Variants in CDON observed in about 807,000 individuals in gnomAD.
CDON encodes the protein cell adhesion associated, oncogene regulated, also known as cell adhesion molecule-related/down-regulated by oncogenes.
A neutral mutation model predicts 120.9 loss-of-function variants in CDON; 73 were observed. That is an observed-to-expected ratio of 0.60 (90% CI 0.50 to 0.73). CDON has a LOEUF of 0.73. Ranked by LOEUF, CDON falls within the 30% of genes least tolerant of loss-of-function variation. The probability of loss-of-function intolerance (pLI) is 0.00; values close to 1 mark genes in which losing one functional copy is unlikely to be tolerated. For missense variants in CDON, 1,470 were observed against 1,587.3 expected, an observed-to-expected ratio of 0.93 and a Z score of 1.26; for synonymous variants, 566 against 573.5, an observed-to-expected ratio of 0.99 and a Z score of 0.19.
rs754733084 is a variant in CDON at position 126,010,521 on chromosome 11, G to A, written c.1372C>T (p.Arg458Ter). The change falls in exon 8 of 20, where the codon CGA becomes TGA. Residue 458 changes from arginine to a stop codon, truncating the protein, a stop_gained. Transcript: ENST00000531738. LOFTEE classifies it high-confidence loss of function. The stretch of plus-strand genomic sequence containing the variant: ...TCAGGTCTTGATAACTGTGATTTTC[G>A]GGATTTCGATCTCAGGACTTGAGAT... ...HPSQVLRSKS[R>*]KSQLSRPEGL... 3.7e-6 allele frequency: 6 copies of A among 1,614,060 alleles called. No homozygotes were observed. Among genetic ancestry groups the A allele is most frequent in the Non-Finnish European group, 5.1e-6 (6 of 1,179,984 alleles).
rs1405020218 is a variant in CDON, at chr11:125,958,159, C to T, written c.*2783G>A. 6.6e-6 allele frequency: 1 copy of T among 152,146 alleles called. No homozygotes were observed. The allele number at this position is 152,146 out of a possible 1,614,324, so 9.4% of individuals were successfully genotyped here. The stretch of plus-strand genomic sequence containing the variant: ...GAGGAATTCCACGGCAGGGATAGAT[C>T]ACAGCATACGGAACGGGACTGGTTC... On this transcript the variant is annotated 3_prime_UTR_variant, in exon 20 of 20. Coordinates refer to ENST00000531738, the MANE Select transcript of CDON (RefSeq NM_001378964.1).
intron 1 of CDON, among the ~76,000 whole-genome samples, chr11:126,057,064 TA>T (rs1245483807): frequency 6.6e-6 from 1 of 152,120 alleles, no homozygotes; most frequent in Non-Finnish European, 1.5e-5. Context: ...AACACACACA[TA>T]AAAATGAATA....
intron 5 of CDON, 142 bp downstream of exon 5, chr11:126,018,188 C>A (rs944759905): frequency 1.5e-5 from 13 of 860,124 alleles, no homozygotes; most frequent in Non-Finnish European, 2.4e-5. Context: ...GGGTGACCCA[C>A]CACACCTAGC....
At chr11:126,000,834 G>C (rs1222199732) in intron 11 of CDON, among the ~76,000 whole-genome samples, 1 of 152,126 alleles carries the variant, frequency 6.6e-6, no homozygotes, top group Non-Finnish European at 1.5e-5. Flanking sequence ...AGAGAAGTCT[G>C]AAAATTCTCA....
chr11:125,993,011 C>T (rs924304446), intron 14 of CDON, among the ~76,000 whole-genome samples: 8 of 152,156 alleles, frequency 5.3e-5, no homozygotes, highest in Non-Finnish European at 1.2e-4. Flanking sequence ...AGGGAGTTTA[C>T]GACTTTGTGG....
chr11:126,062,168 A>G (rs1948813520), intron 1 of CDON, among the ~76,000 whole-genome samples: 1 of 152,194 alleles, frequency 6.6e-6, no homozygotes, highest in Non-Finnish European at 1.5e-5. Flanking sequence ...GCTTCTCCCT[A>G]CACATAAATC....
At chr11:125,997,134 T>G in intron 12 of CDON, 73 bp downstream of exon 12, 2 of 1,188,736 alleles carry the variant, frequency 1.7e-6, no homozygotes, top group Non-Finnish European at 2.5e-6. Context: ...AGTGAGACCC[T>G]GTCTCAAAAT....
intron 5 of CDON, 98 bp downstream of exon 5, chr11:126,018,232 T>C: frequency 7.7e-7 from 1 of 1,299,314 alleles, no homozygotes; most frequent in Non-Finnish European, 1.1e-6. Flanking sequence ...CTTTTTATGA[T>C]AAACAAACAG....
At chr11:126,011,446 A>C (rs1166060925) in intron 7 of CDON, among the ~76,000 whole-genome samples, 2 of 152,192 alleles carry the variant, frequency 1.3e-5, no homozygotes, top group Non-Finnish European at 2.9e-5. Context: ...GTAAAATGCT[A>C]TCTCACTGGT....
At position 126,017,274 on chromosome 11, in the gene CDON, C is replaced by T. The variant is rs1947497149; in HGVS notation, c.742G>A (p.Val248Ile). The T allele has an allele frequency of 1.2e-6, 2 of 1,613,990 alleles. No individual in the cohort carries two copies. ...AGCCAATACACTTGAGGAGCCGGGA[C>T]CCCACTCACCACACACTCCAAGGTT... ...PVTLECVVSG[V>I]PAPQVYWLKD... The change falls in exon 6 of 20, where the codon GTC becomes ATC. Residue 248 changes from valine to isoleucine, a missense_variant. Coordinates refer to ENST00000531738, the MANE Select transcript of CDON (RefSeq NM_001378964.1).
At position 125,973,432 on chromosome 11, in the gene CDON, T is replaced by C. The variant is rs111382292; in HGVS notation, c.3356+4872A>G. On this transcript the variant is annotated intron_variant, in intron 18 of 19. Transcript: ENST00000531738. ...CTGTAATCCCAGCTACTTGGGAGGC[T>C]GAGGCAGAGAATTGCTTGAACCCGG... Among the ~76,000 whole-genome samples the C allele has an allele frequency of 3.4e-3, 515 of 152,298 alleles. 6 individuals carry two copies. Among genetic ancestry groups the C allele is most frequent in the African/African-American group, 8.1e-3 (335 of 41,568 alleles).
intron 1 of CDON, among the ~76,000 whole-genome samples, chr11:126,054,843 C>T (rs1193233046): frequency 6.6e-6 from 1 of 152,104 alleles, no homozygotes; most frequent in Non-Finnish European, 1.5e-5. Context: ...TCACATTGTC[C>T]TTAAGGAATA....
intron 1 of CDON, among the ~76,000 whole-genome samples, chr11:126,052,651 T>C (rs1948591303): frequency 6.6e-6 from 1 of 152,106 alleles, no homozygotes. Flanking sequence ...GGCGAAACCC[T>C]GTCCCTACTA....
rs891346806 is a variant in CDON at position 126,057,281 on chromosome 11, G to C, written c.-62+5298C>G. Among the ~76,000 whole-genome samples the C allele has an allele frequency of 1.6e-4, 25 of 152,220 alleles. No individual in the cohort carries two copies. In the Middle Eastern group the frequency reaches 0.01, roughly 63 times the overall value. On this transcript the variant is annotated intron_variant, in intron 1 of 19. Transcript: ENST00000531738. ...TGTGTATCCAATGTGCCAATAAAAT[G>C]AATTATTATGAATTTCAAACCGCAC...
intron 18 of CDON, among the ~76,000 whole-genome samples, chr11:125,964,087 T>G (rs568668366): frequency 1.3e-5 from 2 of 152,320 alleles, no homozygotes; most frequent in African/African-American, 4.8e-5. Flanking sequence ...GTGTCTTCCT[T>G]TCCTGCATTT....
At chr11:126,028,218 C>T (rs753187477) in intron 1 of CDON, among the ~76,000 whole-genome samples, 1 of 151,926 alleles carries the variant, frequency 6.6e-6, no homozygotes. Context: ...ACGACAATCT[C>T]GCCACCTATA....
rs540082534 is a variant in CDON, at chr11:125,989,755, T to C, written c.2655A>G (p.Ser885=). 3.0e-5 allele frequency: 49 copies of C among 1,612,670 alleles called. No individual in the cohort carries two copies. The East Asian group carries it at 8.7e-4, about 29-fold the overall frequency. The part of the protein sequence containing the change: ...SDYKRDVVEG[S]KQWHMIGHLQ... ...GGTGGCCAATCATGTGCCACTGCTTTGAACCTAAAAGGAAAAATAAAAGGC... is the reference window on the plus strand; with the variant it reads ...GGTGGCCAATCATGTGCCACTGCTTCGAACCTAAAAGGAAAAATAAAAGGC... The change falls in exon 15 of 20, where the codon TCA becomes TCG. Residue 885 remains serine (S), a synonymous_variant. Transcript: ENST00000531738.
intron 1 of CDON, among the ~76,000 whole-genome samples, chr11:126,053,658 ACATTGCAAGCTATGTAATGTATTG>A (rs1349742645): frequency 1.3e-5 from 2 of 152,180 alleles, no homozygotes; most frequent in African/African-American, 4.8e-5. Flanking sequence ...TGTTTTCAAT[ACATTGCAAGCTATGTAATGTATTG>A]CATACCATAT....
At chr11:126,007,795 T>C (rs1033348157) in intron 8 of CDON, among the ~76,000 whole-genome samples, 3 of 152,206 alleles carry the variant, frequency 2.0e-5, no homozygotes, top group Non-Finnish European at 2.9e-5. Flanking sequence ...TCTGTTTCAA[T>C]GATATAATCT....
Sources: gnomAD v4.1 joint callset for allele counts (sites outside exome capture counted in the v4.1 genomes callset) on GRCh38, gnomAD v4.1.1 for gene constraint, MANE v1.5 for transcripts, NCBI Gene and HGNC (gene_info 2026-07-23, HGNC 2026-07-21) for gene names.